CDH4: variants seen among roughly 807,000 people sequenced by gnomAD.
The protein encoded by CDH4 is cadherin 4.
CDH4 carries 33 observed loss-of-function variants against 86.0 expected under a neutral mutation model. The ratio of observed to expected loss-of-function variants is 0.38; its 90% confidence interval spans 0.29 to 0.51. The LOEUF (loss-of-function observed/expected upper bound fraction) is 0.51, where lower values mean the gene tolerates loss of function less well. Ranked by LOEUF, CDH4 falls within the 20% of genes least tolerant of loss-of-function variation. The probability of loss-of-function intolerance (pLI) is 0.86; values close to 1 mark genes in which losing one functional copy is unlikely to be tolerated. For synonymous variants in CDH4, 555 were observed against 549.4 expected, an observed-to-expected ratio of 1.01 and a Z score of -0.14; for missense variants, 1,114 against 1,307.4, an observed-to-expected ratio of 0.85 and a Z score of 2.28.
intron 2 of CDH4, among the ~76,000 whole-genome samples, chr20:61,500,049 C>T (rs911464395): frequency 4.6e-5 from 7 of 152,152 alleles, no homozygotes; most frequent in African/African-American, 1.4e-4. Flanking sequence ...ATGACAACAG[C>T]GCTGGGTGTG....
At chr20:61,437,840 G>A (rs1371316520) in intron 2 of CDH4, among the ~76,000 whole-genome samples, 1 of 152,142 alleles carries the variant, frequency 6.6e-6, no homozygotes, top group African/African-American at 2.4e-5. Context: ...CTCCAGATGT[G>A]CCCCTGGAAA....
chr20:61,927,815 C>CGTGTGTGCAGGTGTGG (rs1568893796), intron 11 of CDH4, among the ~76,000 whole-genome samples: 2 of 152,152 alleles, frequency 1.3e-5, no homozygotes, highest in South Asian at 4.1e-4. Flanking sequence ...CCGCTGTGTG[C>CGTGTGTGCAGGTGTGG]GTGTGTGCAG....
At chr20:61,588,712 C>T (rs1207225984) in intron 2 of CDH4, among the ~76,000 whole-genome samples, 2 of 152,204 alleles carry the variant, frequency 1.3e-5, no homozygotes, top group African/African-American at 4.8e-5. Flanking sequence ...CATCATTCCT[C>T]GCAAACACCA....
intron 2 of CDH4, among the ~76,000 whole-genome samples, chr20:61,464,607 A>G (rs562028219): frequency 2.1e-4 from 32 of 152,342 alleles, no homozygotes; most frequent in African/African-American, 7.5e-4. Flanking sequence ...AATTTTGGAC[A>G]CAGATGTTCT....
intron 2 of CDH4, among the ~76,000 whole-genome samples, chr20:61,622,333 C>T (rs1234122397): frequency 1.3e-5 from 2 of 152,166 alleles, no homozygotes; most frequent in Admixed American, 6.5e-5. Context: ...GGGGAGAGGC[C>T]CCTGCTATGT....
rs573857030 is a variant in CDH4 at position 61,710,044 on chromosome 20, C to T, written c.170-33519C>T. Among the ~76,000 whole-genome samples the T allele has an allele frequency of 1.7e-4, 26 of 152,190 alleles. No individual in the cohort carries two copies. The South Asian group carries it at 4.4e-3, about 26-fold the overall frequency. On this transcript the variant is annotated intron_variant, in intron 2 of 15. Transcript: ENST00000614565. ...GGGATGTTCTTCCCCTGTCCGTGGGCGGCCAGGGTGGGCCTGGGGAATGCA... is the reference window on the plus strand; with the variant it reads ...GGGATGTTCTTCCCCTGTCCGTGGGTGGCCAGGGTGGGCCTGGGGAATGCA...
Position 61,269,993 on chromosome 20 carries a change from A to G in CDH4, c.169+15056A>G, listed in dbSNP as rs922157969. ...CCTTTGCGGCAGTCATTTTTCCATC[A>G]GAAGGTGGCTTGATTTGATGGGTTT... On this transcript the variant is annotated intron_variant, in intron 2 of 15. Coordinates refer to ENST00000614565, the MANE Select transcript of CDH4 (RefSeq NM_001794.5). The surrounding 1 kb of genome is among the most constrained non-coding windows in gnomAD (Gnocchi z 5.3). Among the ~76,000 whole-genome samples, 1 of 152,206 alleles carries G rather than the reference A, an allele frequency of 6.6e-6. No individual in the cohort carries two copies. The highest frequency in any genetic ancestry group is 1.5e-5 in the Non-Finnish European group (1 of 68,050).
chr20:61,277,972 C>A (rs996748229), intron 2 of CDH4, among the ~76,000 whole-genome samples: 1 of 152,188 alleles, frequency 6.6e-6, no homozygotes, highest in Non-Finnish European at 1.5e-5. Context: ...CAGCCCCTGG[C>A]GTTGATCTCA....
chr20:61,338,473 G>A (rs1249185314), intron 2 of CDH4, among the ~76,000 whole-genome samples: 1 of 152,202 alleles, frequency 6.6e-6, no homozygotes, highest in East Asian at 1.9e-4. Context: ...TTCTCCAGAA[G>A]AATGGGAATC....
At chr20:61,492,045 G>A (rs1568863676) in intron 2 of CDH4, among the ~76,000 whole-genome samples, 1 of 151,840 alleles carries the variant, frequency 6.6e-6, no homozygotes, top group Non-Finnish European at 1.5e-5. Context: ...TGATGTTGGT[G>A]GTATTGATGT....
intron 2 of CDH4, among the ~76,000 whole-genome samples, chr20:61,512,632 A>C (rs1294564055): frequency 6.6e-6 from 1 of 152,218 alleles, no homozygotes; most frequent in Non-Finnish European, 1.5e-5. Flanking sequence ...GAAATGTTCC[A>C]ACACCGGCAC....
At chr20:61,861,393 G>A (rs538835745) in intron 6 of CDH4, among the ~76,000 whole-genome samples, 4 of 152,246 alleles carry the variant, frequency 2.6e-5, no homozygotes, top group South Asian at 4.1e-4. Flanking sequence ...TATTTCCCCC[G>A]CATACAACAT....
chr20:61,537,408 G>A (rs955230703), intron 2 of CDH4, among the ~76,000 whole-genome samples: 11 of 152,182 alleles, frequency 7.2e-5, no homozygotes, highest in African/African-American at 2.7e-4. Context: ...GACTGAGCAC[G>A]TGGCCGGTGA....
At chr20:61,923,982 C>G (rs919270056) in intron 10 of CDH4, among the ~76,000 whole-genome samples, 1 of 152,232 alleles carries the variant, frequency 6.6e-6, no homozygotes, top group Non-Finnish European at 1.5e-5. Flanking sequence ...ACTCTCATAG[C>G]TATAAGACTC....
In CDH4 at chr20:61,517,330, G is replaced by A. The variant is rs1341077600; in HGVS notation, c.170-226233G>A. On this transcript the variant is annotated intron_variant, in intron 2 of 15. Transcript: ENST00000614565. This position sits in a 1 kb window ranked among gnomAD's most constrained non-coding sequence, Gnocchi z 6.6. ...ACCTCCTGTGGGGCTGTGTAGCTGG[G>A]GCCACAGGTGCACACCACCTTGTGC... Among the ~76,000 whole-genome samples, 1 of 152,096 alleles carries A rather than the reference G, an allele frequency of 6.6e-6. No individual in the cohort carries two copies.
chr20:61,390,736 G>GCGGT (rs2084980477), intron 2 of CDH4, among the ~76,000 whole-genome samples: 5 of 143,030 alleles, frequency 3.5e-5, no homozygotes, highest in African/African-American at 1.0e-4. Context: ...TTGAGATCGT[G>GCGGT]CAGTCATAGG....
At chr20:61,631,647 A>G (rs1426078381) in intron 2 of CDH4, among the ~76,000 whole-genome samples, 2 of 152,178 alleles carry the variant, frequency 1.3e-5, no homozygotes, top group Non-Finnish European at 2.9e-5. Context: ...CCATCTCTAA[A>G]AAAGAAAAAA....
intron 2 of CDH4, among the ~76,000 whole-genome samples, chr20:61,645,190 CT>C (rs1262761685): frequency 6.6e-6 from 1 of 152,208 alleles, no homozygotes; most frequent in Admixed American, 6.5e-5. Flanking sequence ...TTGTTGTGTG[CT>C]TGTAACTCTT....
chr20:61,899,097 C>G (rs1395323481), intron 8 of CDH4, among the ~76,000 whole-genome samples: 2 of 152,016 alleles, frequency 1.3e-5, no homozygotes, highest in Admixed American at 6.6e-5. Context: ...GAGTTCAAGA[C>G]CAGCCTGGCC....
Sources: gnomAD v4.1 joint callset for allele counts (sites outside exome capture counted in the v4.1 genomes callset) on GRCh38, gnomAD v4.1.1 for gene constraint, Gnocchi (gnomAD v3.1) non-coding constraint, MANE v1.5 for transcripts, NCBI Gene and HGNC (gene_info 2026-07-23, HGNC 2026-07-21) for gene names.